The following FNBP1 variants were observed in gnomAD, a reference collection of about 807,000 sequenced individuals.
FNBP1 encodes formin-binding protein 1.
In FNBP1, 26 loss-of-function variants were observed where a neutral mutation model predicts 90.6. The ratio of observed to expected loss-of-function variants is 0.29; its 90% CI spans 0.21 to 0.40. The LOEUF is 0.40. Ranked by LOEUF, FNBP1 falls within the 10% of genes least tolerant of loss-of-function variation. The pLI is 1.00. For missense variants in FNBP1, 635 were observed against 768.0 expected, an observed-to-expected ratio of 0.83 and a Z score of 2.05; for synonymous variants, 260 against 265.2, an observed-to-expected ratio of 0.98 and a Z score of 0.19.
At chr9:130,014,992 C>T (rs1057188502) in intron 1 of FNBP1, among the ~76,000 whole-genome samples, 4 of 151,416 alleles carry the variant, frequency 2.6e-5, no homozygotes, top group Middle Eastern at 6.9e-3. Context: ...AAAAAAATCC[C>T]GGACGATTAC....
chr9:130,000,159 T>A (rs913088103), intron 1 of FNBP1, among the ~76,000 whole-genome samples: 2 of 152,216 alleles, frequency 1.3e-5, no homozygotes. Flanking sequence ...ATCTTTTACC[T>A]GTATATGATC....
intron 1 of FNBP1, among the ~76,000 whole-genome samples, chr9:130,028,277 A>T (rs951305743): frequency 6.6e-6 from 1 of 152,264 alleles, no homozygotes; most frequent in Middle Eastern, 3.2e-3. Flanking sequence ...TCTAAGAAAG[A>T]TAAAGAGGAA....
chr9:129,977,308 C>A (rs895686180), intron 4 of FNBP1, among the ~76,000 whole-genome samples: 5 of 152,024 alleles, frequency 3.3e-5, no homozygotes, highest in African/African-American at 1.2e-4. Context: ...TAAGAATAGA[C>A]TTTGAGCATC....
At chr9:130,006,710 T>G (rs978562643) in intron 1 of FNBP1, among the ~76,000 whole-genome samples, 1 of 152,126 alleles carries the variant, frequency 6.6e-6, no homozygotes, top group African/African-American at 2.4e-5. Flanking sequence ...AACTTAGGCT[T>G]AATTGTTATA....
chr9:129,979,627 G>C (rs1051713550), intron 2 of FNBP1, among the ~76,000 whole-genome samples: 15 of 152,164 alleles, frequency 9.9e-5, no homozygotes, highest in Admixed American at 9.8e-4. Context: ...GACAGACCAT[G>C]TGTAAATATG....
At chr9:129,921,269 CTT>C (rs753816382) in intron 10 of FNBP1, among the ~76,000 whole-genome samples, 12 of 143,300 alleles carry the variant, frequency 8.4e-5, no homozygotes, top group African/African-American at 7.6e-5. Context: ...ACATTCTTTA[CTT>C]TTTTTTTTTT....
chr9:129,962,594 A>G (rs1168725886), intron 4 of FNBP1, among the ~76,000 whole-genome samples: 1 of 152,242 alleles, frequency 6.6e-6, no homozygotes, highest in Non-Finnish European at 1.5e-5. Flanking sequence ...GTGCTCCTTT[A>G]TAAGGGAATG....
intron 1 of FNBP1, among the ~76,000 whole-genome samples, chr9:129,997,132 C>T (rs2054132903): frequency 6.6e-6 from 1 of 151,966 alleles, no homozygotes; most frequent in South Asian, 2.1e-4. Context: ...CGAGACCAGC[C>T]TGGACAACAT....
At chr9:129,991,651 G>C (rs2053176697) in intron 2 of FNBP1, among the ~76,000 whole-genome samples, 1 of 149,256 alleles carries the variant, frequency 6.7e-6, no homozygotes, top group Non-Finnish European at 1.5e-5. Context: ...ATGGTTTTTA[G>C]ACATTTCCTT....
chr9:129,968,452 C>A (rs967886805), intron 4 of FNBP1, among the ~76,000 whole-genome samples: 3 of 148,506 alleles, frequency 2.0e-5, no homozygotes, highest in Admixed American at 6.7e-5. Flanking sequence ...AGATTATATA[C>A]ATAAACTCCT....
chr9:130,043,319 C>A (rs1276893022), upstream of FNBP1: 1 of 190,660 alleles, frequency 5.2e-6, no homozygotes, highest in Non-Finnish European at 1.1e-5. Flanking sequence ...CCCCCGGGCT[C>A]CCCCGGCCGG....
At chr9:129,950,967 ATTTTTTTTTT>A (rs56088978) in intron 6 of FNBP1, among the ~76,000 whole-genome samples, 4 of 98,466 alleles carry the variant, frequency 4.1e-5, no homozygotes, top group African/African-American at 1.6e-4. Flanking sequence ...CTAATTTTTA[ATTTTTTTTTT>A]TTTTTTTTTT....
intron 16 of FNBP1, 156 bp downstream of exon 16, chr9:129,895,682 C>A: frequency 7.8e-7 from 1 of 1,289,692 alleles, no homozygotes; most frequent in South Asian, 2.6e-5. Flanking sequence ...GTGCCCAGAC[C>A]CTGAAGTCCA....
At position 129,927,184 on chromosome 9, in the gene FNBP1, G is replaced by GCAATACTTACATTT. The variant is rs2042045853; in HGVS notation, c.786_789+10dup. 1 of 1,612,854 alleles carries GCAATACTTACATTT rather than the reference G, an allele frequency of 6.2e-7. No homozygotes were observed. Among genetic ancestry groups the GCAATACTTACATTT allele is most frequent in the Non-Finnish European group, 8.5e-7 (1 of 1,179,220 alleles). ...AATAGTTATCAATGAAGTCCAAATG[G>GCAATACTTACATTT]CAATACTTACATTTTTCTGATCAAT... On this transcript the variant is annotated intron_variant, in intron 8 of 16. Coordinates refer to ENST00000446176, the MANE Select transcript of FNBP1 (RefSeq NM_015033.3).
chr9:129,914,791 AT>A (rs2039999214), intron 11 of FNBP1: 1 of 159,546 alleles, frequency 6.3e-6, no homozygotes, highest in Admixed American at 7.0e-5. Flanking sequence ...ATATATATAT[AT>A]ATCTCACCAT....
chr9:129,912,530 A>G (rs2039491787), intron 11 of FNBP1, among the ~76,000 whole-genome samples: 1 of 152,004 alleles, frequency 6.6e-6, no homozygotes, highest in South Asian at 2.1e-4. Flanking sequence ...CTCTACTAAA[A>G]ATACAAAATT....
chr9:130,037,557 C>T (rs1315251798), intron 1 of FNBP1, among the ~76,000 whole-genome samples: 1 of 152,066 alleles, frequency 6.6e-6, no homozygotes, highest in Admixed American at 6.6e-5. Context: ...ATAAAGTGTT[C>T]TTATATAAAG....
chr9:129,947,448 A>AAAAAAAAAAAAAG (rs1204848435), intron 6 of FNBP1, among the ~76,000 whole-genome samples: 48 of 151,214 alleles, frequency 3.2e-4, no homozygotes, highest in Middle Eastern at 3.4e-3. Flanking sequence ...CTCAAAAAAA[A>AAAAAAAAAAAAAG]AAAAGAAAAG....
intron 6 of FNBP1, among the ~76,000 whole-genome samples, chr9:129,952,660 A>C (rs1262546183): frequency 6.6e-6 from 1 of 152,226 alleles, no homozygotes; most frequent in Non-Finnish European, 1.5e-5. Context: ...AATAGACTTT[A>C]GGGGATTAAG....
Sources: gnomAD v4.1 joint callset for allele counts (sites outside exome capture counted in the v4.1 genomes callset) on GRCh38, gnomAD v4.1.1 for gene constraint, MANE v1.5 for transcripts, NCBI Gene and HGNC (gene_info 2026-07-23, HGNC 2026-07-21) for gene names.